Variants in ELFN2 observed in about 807,000 individuals in gnomAD.
ELFN2 encodes the protein protein phosphatase 1 regulatory subunit 29.
ELFN2 carries 17 observed loss-of-function variants against 45.5 expected under a neutral mutation model. That is an observed-to-expected ratio of 0.37 (90% CI 0.26 to 0.56). The LOEUF (loss-of-function observed/expected upper bound fraction) is 0.56, where lower values mean the gene tolerates loss of function less well. ELFN2 is among the 20% of genes least tolerant of loss of function. The probability of loss-of-function intolerance (pLI) is 0.77; values close to 1 mark genes in which losing one functional copy is unlikely to be tolerated. For synonymous variants in ELFN2, 550 were observed against 551.5 expected (o/e 1.00, Z 0.04); for missense variants, 922 against 1,183.2 (o/e 0.78, Z 3.24).
At chr22:37,382,226 C>T (rs954760359) in intron 2 of ELFN2, among the ~76,000 whole-genome samples, 2 of 152,156 alleles carry the variant, frequency 1.3e-5, no homozygotes, top group African/African-American at 2.4e-5. Context: ...CCCTGGAAGA[C>T]GATGTCCCGT....
chr22:37,417,448 G>T lies in ELFN2; in HGVS notation c.-463+321C>A, dbSNP rs529360695. Among the ~76,000 whole-genome samples, 25 of 152,332 alleles carry T rather than the reference G, an allele frequency of 1.6e-4. No individual in the cohort carries two copies. The highest frequency in any genetic ancestry group is 6.0e-4 in the African/African-American group (25 of 41,582). On this transcript the variant is annotated intron_variant, in intron 2 of 2. Transcript: ENST00000402918. This position sits in a 1 kb window ranked among gnomAD's most constrained non-coding sequence, Gnocchi z 4.5. Reference sequence around the variant, plus strand: ...ATGCCCCCTGACCTGCTGGAGTGCAGACTAAGCCTGCCTCAGCCTCTCTGC... The same window carrying T: ...ATGCCCCCTGACCTGCTGGAGTGCATACTAAGCCTGCCTCAGCCTCTCTGC...
chr22:37,350,562 C>G (rs1930798713), intron 1 of ELFN2, among the ~76,000 whole-genome samples: 1 of 150,668 alleles, frequency 6.6e-6, no homozygotes, highest in African/African-American at 2.4e-5. Flanking sequence ...ACCGCAGGGC[C>G]CTAGGCCCAC....
chr22:37,392,135 C>T (rs75898885), intron 2 of ELFN2, among the ~76,000 whole-genome samples: 6 of 152,190 alleles, frequency 3.9e-5, no homozygotes, highest in African/African-American at 9.7e-5. Context: ...TAACTGCTAC[C>T]GTTAGACTTT....
chr22:37,383,552 C>A (rs957760584), intron 2 of ELFN2, among the ~76,000 whole-genome samples: 1 of 152,242 alleles, frequency 6.6e-6, no homozygotes, highest in Non-Finnish European at 1.5e-5. Context: ...GGTGAGCAGG[C>A]CATGACTGCA....
chr22:37,350,924 C>T (rs75045802), intron 1 of ELFN2, among the ~76,000 whole-genome samples: 10,176 of 150,570 alleles, frequency 0.068, 1,156 homozygotes, highest in African/African-American at 0.22. Flanking sequence ...CTCCTTCCCC[C>T]GCCTGGGAGT....
intron 2 of ELFN2, among the ~76,000 whole-genome samples, chr22:37,411,219 G>A (rs1036181850): frequency 3.3e-5 from 5 of 152,134 alleles, no homozygotes; most frequent in South Asian, 2.1e-4. Context: ...TCACTGCATC[G>A]CCCCATCCTG....
At chr22:37,360,897 C>G (rs2145621764) in intron 1 of ELFN2, among the ~76,000 whole-genome samples, 1 of 152,294 alleles carries the variant, frequency 6.6e-6, no homozygotes, top group East Asian at 1.9e-4. Flanking sequence ...CTGCAGTGGG[C>G]AGAGTGAAGC....
At chr22:37,400,917 C>A (rs1932345223) in intron 2 of ELFN2, among the ~76,000 whole-genome samples, 1 of 152,268 alleles carries the variant, frequency 6.6e-6, no homozygotes, top group South Asian at 2.1e-4. Flanking sequence ...AAAACGGTCA[C>A]AGGTTAAGTA....
intron 2 of ELFN2, among the ~76,000 whole-genome samples, chr22:37,395,106 AAAATAAATAAAT>A (rs3041590): frequency 0.046 from 6,505 of 140,952 alleles, 502 homozygotes; most frequent in African/African-American, 0.16. Flanking sequence ...CTCTGTCTCA[AAAATAAATAAAT>A]AAATAAATAA....
chr22:37,382,719 GT>G (rs1265606852), intron 2 of ELFN2, among the ~76,000 whole-genome samples: 1 of 150,956 alleles, frequency 6.6e-6, no homozygotes, highest in African/African-American at 2.4e-5. Flanking sequence ...CCAGCTAATT[GT>G]TTTGTATTTT....
intron 2 of ELFN2, among the ~76,000 whole-genome samples, chr22:37,341,867 G>T (rs1223339329): frequency 6.6e-6 from 1 of 152,170 alleles, no homozygotes; most frequent in Non-Finnish European, 1.5e-5. Flanking sequence ...AGGCACAAAT[G>T]AGATAATTTA....
intron 2 of ELFN2, among the ~76,000 whole-genome samples, chr22:37,381,893 G>A (rs545725175): frequency 1.4e-5 from 2 of 144,528 alleles, no homozygotes; most frequent in South Asian, 2.2e-4. Context: ...GAGGCGGAGC[G>A]TGCAGTGAGC....
At chr22:37,394,259 A>G (rs569650360) in intron 2 of ELFN2, among the ~76,000 whole-genome samples, 114 of 152,012 alleles carry the variant, frequency 7.5e-4, no homozygotes, top group Middle Eastern at 3.4e-3. Flanking sequence ...CCCTCCGTCC[A>G]AGCTTGTCTG....
chr22:37,403,569 A>C (rs1032392030), intron 2 of ELFN2, among the ~76,000 whole-genome samples: 2 of 152,200 alleles, frequency 1.3e-5, no homozygotes, highest in Non-Finnish European at 2.9e-5. Context: ...AAGGGAGAGA[A>C]GCGAGAGGGC....
chr22:37,375,522 C>T lies in ELFN2; in HGVS notation c.13G>A (p.Gly5Arg). Reference protein sequence around the residue: MLRLGLCAAALLCVC... With the variant: MLRLRLCAAALLCVC... ...CACAGCAGCGCCGCCGCGCACAGCC[C>T]CAGGCGCAGCATGGCGCTGGCCTCG... Residue 5 changes from glycine to arginine, a missense_variant, in exon 3 of 3, where the codon GGG becomes AGG. Physicochemically the swap from Gly to Arg is moderately radical, Grantham distance 125 (BLOSUM62 -2). Coordinates refer to ENST00000402918, the MANE Select transcript of ELFN2 (RefSeq NM_052906.5). 6.4e-7 allele frequency: 1 copy of T among 1,556,800 alleles called. No homozygotes were observed. The highest frequency in any genetic ancestry group is 8.7e-7 in the Non-Finnish European group (1 of 1,150,552).
rs769555657 is a variant in ELFN2, at chr22:37,422,951, G to C, written c.-614+4347C>G. Among the ~76,000 whole-genome samples, 14 of 149,748 alleles carry C rather than the reference G, an allele frequency of 9.3e-5. 2 individuals carry two copies. The East Asian group carries it at 9.9e-4, about 11-fold the overall frequency. On this transcript the variant is annotated intron_variant, in intron 1 of 2. Coordinates refer to ENST00000402918, the MANE Select transcript of ELFN2 (RefSeq NM_052906.5). ...TTGAGGAAACTGGGCCTCGGGGGGG[G>C]GGGGGGAAGTGACTTGCCCAGGACC... is the stretch of plus-strand genomic sequence containing the variant.
chr22:37,393,060 G>T (rs768271194), intron 2 of ELFN2, among the ~76,000 whole-genome samples: 5 of 152,132 alleles, frequency 3.3e-5, no homozygotes, highest in Admixed American at 1.3e-4. Context: ...CACAGAGGGG[G>T]ACAGCGCCCA....
intron 1 of ELFN2, among the ~76,000 whole-genome samples, chr22:37,360,902 T>A (rs931329181): frequency 6.6e-6 from 1 of 151,802 alleles, no homozygotes; most frequent in Non-Finnish European, 1.5e-5. Context: ...GTGGGCAGAG[T>A]GAAGCGCGGC....
intron 2 of ELFN2, among the ~76,000 whole-genome samples, chr22:37,381,087 T>C (rs1385520167): frequency 6.6e-6 from 1 of 152,184 alleles, no homozygotes; most frequent in Non-Finnish European, 1.5e-5. Context: ...CTAACTCCTC[T>C]GGGCTTCAGT....
Sources: allele counts gnomAD v4.1 joint callset (sites outside exome capture counted in the v4.1 genomes callset), GRCh38; gene constraint gnomAD v4.1.1; non-coding constraint Gnocchi (gnomAD v3.1); transcripts MANE v1.5; gene names NCBI Gene and HGNC (gene_info 2026-07-23, HGNC 2026-07-21).